Variants in NUBPL observed in about 807,000 individuals in gnomAD.
NUBPL encodes iron-sulfur cluster transfer protein NUBPL.
NUBPL carries 31 observed loss-of-function variants against 45.7 expected under a neutral mutation model. The ratio of observed to expected loss-of-function variants is 0.68; its 90% CI spans 0.51 to 0.92. NUBPL has a LOEUF of 0.92. Among genes scored for constraint, NUBPL ranks in the 40% least tolerant of loss-of-function variants. The pLI, the probability that NUBPL is intolerant of heterozygous loss-of-function variation, is 0.00. For synonymous variants in NUBPL, 144 were observed against 140.9 expected (o/e 1.02, Z -0.15); for missense variants, 401 against 398.7 (o/e 1.01, Z -0.05).
chr14:31,729,266 G>A (rs2037993017), intron 6 of NUBPL, among the ~76,000 whole-genome samples: 1 of 129,378 alleles, frequency 7.7e-6, no homozygotes, highest in Admixed American at 8.6e-5. Flanking sequence ...GTGACAGAGA[G>A]ATGCTCCATC....
chr14:31,567,791 G>C (rs967656315), intron 3 of NUBPL, among the ~76,000 whole-genome samples: 1 of 152,136 alleles, frequency 6.6e-6, no homozygotes, highest in Non-Finnish European at 1.5e-5. Flanking sequence ...CTTTACCTGG[G>C]AACTTGTTAG....
intron 8 of NUBPL, among the ~76,000 whole-genome samples, chr14:31,834,989 C>T (rs2040259235): frequency 6.6e-6 from 1 of 152,036 alleles, no homozygotes; most frequent in Non-Finnish European, 1.5e-5. Context: ...ATCAAATTTG[C>T]TTGTTATTGG....
chr14:31,741,536 C>T (rs1000050637), intron 6 of NUBPL, among the ~76,000 whole-genome samples: 1 of 152,142 alleles, frequency 6.6e-6, no homozygotes, highest in Non-Finnish European at 1.5e-5. Flanking sequence ...AAAATAGCTA[C>T]TTCCCCCTTC....
At chr14:31,699,522 T>TA (rs953022638) in intron 6 of NUBPL, among the ~76,000 whole-genome samples, 1 of 152,216 alleles carries the variant, frequency 6.6e-6, no homozygotes, top group Non-Finnish European at 1.5e-5. Context: ...GTCCTACTTG[T>TA]AATCTCTCTG....
intron 7 of NUBPL, among the ~76,000 whole-genome samples, chr14:31,795,345 T>G (rs1472026246): frequency 3.7e-5 from 4 of 107,714 alleles, no homozygotes; most frequent in Non-Finnish European, 7.4e-5. Flanking sequence ...TTCACGATAT[T>G]GATTCTTCCT....
At chr14:31,754,405 C>G (rs1353250047) in intron 6 of NUBPL, among the ~76,000 whole-genome samples, 4 of 151,888 alleles carry the variant, frequency 2.6e-5, no homozygotes, top group Non-Finnish European at 5.9e-5. Flanking sequence ...GTAGGTAATA[C>G]ATGAAACAGA....
rs35735613 is a variant in NUBPL at position 31,739,252 on chromosome 14, ATT to A, written c.514-48517_514-48516del. Among the ~76,000 whole-genome samples the A allele has an allele frequency of 1.4e-4, 16 of 110,810 alleles. No homozygotes were observed. In the South Asian group the frequency reaches 1.9e-3, roughly 13 times the overall value. 72.7% of individuals were successfully genotyped at this position (110,810 alleles called of 152,430 possible). A position where few individuals can be genotyped will look rare whatever the true frequency, so the allele number is the denominator to read the frequency against. On this transcript the variant is annotated intron_variant, in intron 6 of 10. Coordinates refer to ENST00000281081, the MANE Select transcript of NUBPL (RefSeq NM_025152.3). ...TATATATTATATTCTATATATATAT[ATT>A]TTTTTTTTTTAGTAGAGATGGGGTT...
rs571864923 is a variant in NUBPL at position 31,636,677 on chromosome 14, T to C, written c.383-36678T>C. Among the ~76,000 whole-genome samples, 89 of 152,248 alleles carry C rather than the reference T, an allele frequency of 5.8e-4. 1 individual carries two copies. The highest frequency in any genetic ancestry group is 1.7e-3 in the African/African-American group (70 of 41,566). On this transcript the variant is annotated intron_variant, in intron 4 of 10. Transcript: ENST00000281081. ...TTCAGAAGGAATGGTACCAGTTCCT[T>C]CTTGTACCTCTGGTAGAATTCGGCT...
rs185967652 is a variant in NUBPL, at chr14:31,798,411, C to T, written c.607+10538C>T. On this transcript the variant is annotated intron_variant, in intron 7 of 10. Coordinates refer to ENST00000281081, the MANE Select transcript of NUBPL (RefSeq NM_025152.3). ...TGTGGGATAGTAGTGTGCATGTGGG[C>T]ATTTGCTATTTGATTACTTGCAGGC... 1.8e-3 allele frequency among the ~76,000 whole-genome samples: 268 copies of T among 146,944 alleles called. 2 individuals carry two copies. The highest frequency in any genetic ancestry group is 6.5e-3 in the African/African-American group (260 of 40,064).
intron 8 of NUBPL, among the ~76,000 whole-genome samples, chr14:31,839,787 G>T (rs2040339606): frequency 6.6e-6 from 1 of 152,172 alleles, no homozygotes; most frequent in Non-Finnish European, 1.5e-5. Flanking sequence ...TGAAGGATCT[G>T]AGTAGACATT....
intron 6 of NUBPL, among the ~76,000 whole-genome samples, chr14:31,698,856 CTT>C (rs753448190): frequency 7.8e-5 from 11 of 140,568 alleles, no homozygotes; most frequent in Admixed American, 1.4e-4. Flanking sequence ...GTGACTTACA[CTT>C]TTTTTTTTTT....
At chr14:31,619,545 T>C (rs958009346) in intron 4 of NUBPL, among the ~76,000 whole-genome samples, 9 of 152,110 alleles carry the variant, frequency 5.9e-5, no homozygotes, top group Non-Finnish European at 8.8e-5. Flanking sequence ...TGCTTATGAA[T>C]GTAGTTTGGT....
intron 6 of NUBPL, among the ~76,000 whole-genome samples, chr14:31,761,247 T>G (rs748642422): frequency 6.6e-6 from 1 of 152,110 alleles, no homozygotes; most frequent in African/African-American, 2.4e-5. Context: ...GGCACAATCA[T>G]AGCTCACTGC....
chr14:31,776,397 G>A (rs952390533), intron 6 of NUBPL, among the ~76,000 whole-genome samples: 1 of 152,102 alleles, frequency 6.6e-6, no homozygotes, highest in Non-Finnish European at 1.5e-5. Flanking sequence ...ACACACAATG[G>A]GAAGCCAAGC....
chr14:31,571,131 T>C (rs1484119135), intron 3 of NUBPL, among the ~76,000 whole-genome samples: 1 of 152,202 alleles, frequency 6.6e-6, no homozygotes, highest in Non-Finnish European at 1.5e-5. Context: ...CTTACAGTTA[T>C]TCTTCTACTT....
At chr14:31,562,019 T>C in intron 1 of NUBPL, 49 bp from the exon 2 acceptor site, 1 of 1,540,084 alleles carries the variant, frequency 6.5e-7, no homozygotes, top group Non-Finnish European at 8.8e-7. Context: ...AGTGTGATGA[T>C]GGAGATGGCT....
chr14:31,833,332 A>G (rs2040222676), intron 8 of NUBPL, among the ~76,000 whole-genome samples: 1 of 152,076 alleles, frequency 6.6e-6, no homozygotes, highest in Non-Finnish European at 1.5e-5. Flanking sequence ...TCATGTCAGT[A>G]CACTCCAGCC....
chr14:31,722,113 C>T (rs548368097), intron 6 of NUBPL, among the ~76,000 whole-genome samples: 2 of 152,314 alleles, frequency 1.3e-5, no homozygotes, highest in Non-Finnish European at 2.9e-5. Context: ...TCTTCTGCCT[C>T]AGCCTCCCGA....
chr14:31,793,078 CTG>C (rs1366417712), intron 7 of NUBPL, among the ~76,000 whole-genome samples: 1 of 152,166 alleles, frequency 6.6e-6, no homozygotes, highest in Admixed American at 6.6e-5. Context: ...TTAAGATACT[CTG>C]TGTTCTTCTC....
Sources: gnomAD v4.1 joint callset for allele counts (sites outside exome capture counted in the v4.1 genomes callset) on GRCh38, gnomAD v4.1.1 for gene constraint, MANE v1.5 for transcripts, NCBI Gene and HGNC (gene_info 2026-07-23, HGNC 2026-07-21) for gene names.